R3HDM2: variants seen among roughly 807,000 people sequenced by gnomAD.
R3HDM2 encodes the protein R3H domain-containing protein 2.
Under a neutral mutation model 124.5 loss-of-function variants are expected in R3HDM2, and 38 were observed. That is an observed-to-expected ratio of 0.31 (90% CI 0.24 to 0.40). R3HDM2 has a LOEUF of 0.40. Ranked by LOEUF, R3HDM2 falls within the 10% of genes least tolerant of loss-of-function variation. R3HDM2 has a pLI of 1.00. For synonymous variants in R3HDM2, 391 were observed against 448.0 expected (o/e 0.87, Z 1.61); for missense variants, 869 against 1,236.9 (o/e 0.70, Z 4.46).
In R3HDM2 at chr12:57,350,068, G is replaced by A. The variant is rs139857226; in HGVS notation, c.-35-39605C>T. 3.9e-4 allele frequency among the ~76,000 whole-genome samples: 59 copies of A among 152,162 alleles called. No individual in the cohort carries two copies. In the East Asian group the frequency reaches 7.6e-3, roughly 20 times the overall value. On this transcript the variant is annotated intron_variant, in intron 2 of 23. Transcript: ENST00000402412. ...CTACTAAAAATACAAAAATCAGCCAGGCATAGTGGCACATGCCTACAGTCT... is the reference window on the plus strand; with the variant it reads ...CTACTAAAAATACAAAAATCAGCCAAGCATAGTGGCACATGCCTACAGTCT...
intron 2 of R3HDM2, among the ~76,000 whole-genome samples, chr12:57,351,599 T>G (rs2060682162): frequency 6.6e-6 from 1 of 152,198 alleles, no homozygotes; most frequent in African/African-American, 2.4e-5. Context: ...GCACAAAAAC[T>G]AACAATAACT....
intron 2 of R3HDM2, among the ~76,000 whole-genome samples, chr12:57,351,384 T>C (rs2060657486): frequency 6.6e-6 from 1 of 152,172 alleles, no homozygotes; most frequent in African/African-American, 2.4e-5. Context: ...TAAGCAATAA[T>C]TAAGACTAAA....
chr12:57,418,117 C>T (rs2069829368), intron 1 of R3HDM2: 25 of 974,196 alleles, frequency 2.6e-5, no homozygotes, highest in Admixed American at 6.2e-5. Flanking sequence ...CCAACATTTC[C>T]TCTAATCCCA....
At chr12:57,424,600 C>A (rs986923460) in intron 1 of R3HDM2, among the ~76,000 whole-genome samples, 4 of 152,158 alleles carry the variant, frequency 2.6e-5, no homozygotes, top group Non-Finnish European at 5.9e-5. Context: ...TTTCTTGATG[C>A]CCATACTGTT....
chr12:57,281,217 G>A (rs774587478), intron 13 of R3HDM2, among the ~76,000 whole-genome samples: 32 of 149,234 alleles, frequency 2.1e-4, no homozygotes, highest in Non-Finnish European at 3.0e-5. Context: ...AACCCAGGAG[G>A]CAGAGGTTGC....
chr12:57,412,219 T>A (rs1051819173), intron 1 of R3HDM2, among the ~76,000 whole-genome samples: 3 of 152,186 alleles, frequency 2.0e-5, no homozygotes, highest in South Asian at 4.1e-4. Flanking sequence ...AAAATATATA[T>A]GCAGATGAAT....
In R3HDM2 at chr12:57,269,769, T is replaced by C. The variant is rs1328424537; in HGVS notation, c.1570A>G (p.Met524Val). The change falls in exon 15 of 24, where the codon ATG becomes GTG. Residue 524 changes from methionine to valine, a missense_variant. Transcript: ENST00000402412. ...TQQVLPPQGY[M>V]QPPQQIQVSY... ...CTGCTCACCTGTTGAGGGGGCTGCA[T>C]GTACCCCTGGGGTGGCAGAACTTGC... 6.2e-7 allele frequency: 1 copy of C among 1,614,146 alleles called. No homozygotes were observed. The highest frequency in any genetic ancestry group is 1.3e-5 in the African/African-American group (1 of 75,018).
intron 2 of R3HDM2, among the ~76,000 whole-genome samples, chr12:57,362,636 GTAC>G (rs976653982): frequency 1.3e-5 from 2 of 152,106 alleles, no homozygotes; most frequent in African/African-American, 4.8e-5. Context: ...ATTTGACCTT[GTAC>G]TACTATTTCA....
rs180844294 is a variant in R3HDM2 at position 57,340,302 on chromosome 12, G to A, written c.-35-29839C>T. ...GACGTCAGAGCAGTCTCCCAGCAAC[G>A]ATTAATGAGGGTTGTCCACCACAGG... On this transcript the variant is annotated intron_variant, in intron 2 of 23. Coordinates refer to ENST00000402412, the MANE Select transcript of R3HDM2 (RefSeq NM_001394031.1). Among the ~76,000 whole-genome samples, 32 of 152,292 alleles carry A rather than the reference G, an allele frequency of 2.1e-4. 1 individual carries two copies. The East Asian group carries it at 5.6e-3, about 27-fold the overall frequency.
chr12:57,265,155 T>C (rs2042013488), intron 19 of R3HDM2, among the ~76,000 whole-genome samples: 1 of 152,002 alleles, frequency 6.6e-6, no homozygotes, highest in South Asian at 2.1e-4. Context: ...GAGAAAGAAA[T>C]TGAGTAAAAA....
intron 1 of R3HDM2, among the ~76,000 whole-genome samples, chr12:57,423,213 G>C (rs960643680): frequency 6.6e-6 from 1 of 152,068 alleles, no homozygotes; most frequent in Non-Finnish European, 1.5e-5. Flanking sequence ...CCTAAGGTCA[G>C]GAGTTCAAGA....
intron 1 of R3HDM2, among the ~76,000 whole-genome samples, chr12:57,414,277 G>C (rs1271321530): frequency 6.6e-6 from 1 of 150,708 alleles, no homozygotes; most frequent in Non-Finnish European, 1.5e-5. Context: ...CTTGAGGTCA[G>C]AACTTCGAGA....
At chr12:57,303,144 A>G in intron 4 of R3HDM2, 32 bp downstream of exon 4, 1 of 1,472,074 alleles carries the variant, frequency 6.8e-7, no homozygotes, top group African/African-American at 1.4e-5. Context: ...TACTAATAAC[A>G]TTAGAAAAGA....
intron 1 of R3HDM2, among the ~76,000 whole-genome samples, chr12:57,413,428 T>A (rs1254708444): frequency 6.9e-4 from 74 of 106,494 alleles, no homozygotes; most frequent in Non-Finnish European, 1.1e-3. Flanking sequence ...ACCTTCTATT[T>A]AAAAAAAAAA....
chr12:57,325,071 C>T (rs574356094), intron 2 of R3HDM2, among the ~76,000 whole-genome samples: 1 of 152,164 alleles, frequency 6.6e-6, no homozygotes, highest in Non-Finnish European at 1.5e-5. Flanking sequence ...CCTGCCAACA[C>T]CTTGATCTTG....
intron 2 of R3HDM2, among the ~76,000 whole-genome samples, chr12:57,387,474 C>G (rs2066012878): frequency 6.6e-6 from 1 of 152,130 alleles, no homozygotes; most frequent in Admixed American, 6.6e-5. Context: ...AGACCAAGAA[C>G]CCACCAATTC....
chr12:57,429,842 C>A (rs1360915420), intron 1 of R3HDM2, among the ~76,000 whole-genome samples: 1 of 152,044 alleles, frequency 6.6e-6, no homozygotes, highest in East Asian at 1.9e-4. Flanking sequence ...AATTCAACTG[C>A]AAATCTATCT....
intron 3 of R3HDM2, among the ~76,000 whole-genome samples, chr12:57,307,331 T>C (rs1464561610): frequency 6.6e-6 from 1 of 151,810 alleles, no homozygotes; most frequent in Admixed American, 6.6e-5. Context: ...TTTTGTTTTG[T>C]TTTTTGAGAC....
chr12:57,256,348 C>CA, intron 22 of R3HDM2, 66 bp downstream of exon 22: 1 of 1,347,676 alleles, frequency 7.4e-7, no homozygotes, highest in East Asian at 2.5e-5. Context: ...GGTTGAAGCT[C>CA]AGACACAGGC....
Sources: gnomAD v4.1 joint callset for allele counts (sites outside exome capture counted in the v4.1 genomes callset) on GRCh38, gnomAD v4.1.1 for gene constraint, MANE v1.5 for transcripts, NCBI Gene and HGNC (gene_info 2026-07-23, HGNC 2026-07-21) for gene names.